Variants in WWOX observed in about 807,000 individuals in gnomAD.
WWOX encodes the protein WW domain-containing oxidoreductase.
Under a neutral mutation model 46.2 loss-of-function variants are expected in WWOX, and 69 were observed. That is an observed-to-expected ratio of 1.49 (90% CI 1.23 to 1.82). WWOX has a LOEUF of 1.82. Among genes scored for constraint, WWOX ranks in the 40% most tolerant of loss-of-function variants. WWOX has a pLI of 0.00. For missense variants in WWOX, 919 were observed against 542.6 expected, an observed-to-expected ratio of 1.69 and a Z score of -6.89; for synonymous variants, 359 against 202.6, an observed-to-expected ratio of 1.77 and a Z score of -6.56.
At chr16:78,601,723 C>G (rs564872654) in intron 8 of WWOX, among the ~76,000 whole-genome samples, 1 of 152,154 alleles carries the variant, frequency 6.6e-6, no homozygotes, top group South Asian at 2.1e-4. Context: ...AGTCTTTTCT[C>G]TGGAAGGAAC....
intron 8 of WWOX, among the ~76,000 whole-genome samples, chr16:78,630,732 T>C (rs367907109): frequency 6.6e-6 from 1 of 152,178 alleles, no homozygotes; most frequent in Non-Finnish European, 1.5e-5. Flanking sequence ...CTGAGTCTTA[T>C]GAGTCTTCCT....
At chr16:78,678,593 C>T (rs2047657962) in intron 8 of WWOX, among the ~76,000 whole-genome samples, 2 of 152,040 alleles carry the variant, frequency 1.3e-5, no homozygotes, top group Non-Finnish European at 2.9e-5. Flanking sequence ...TAAAGAACTA[C>T]AATAGGCATA....
intron 5 of WWOX, among the ~76,000 whole-genome samples, chr16:78,368,042 C>T (rs1464806613): frequency 6.6e-6 from 1 of 152,182 alleles, no homozygotes; most frequent in African/African-American, 2.4e-5. Flanking sequence ...CAGGTGTGAG[C>T]CTCTGTGCCC....
intron 8 of WWOX, among the ~76,000 whole-genome samples, chr16:79,087,396 A>G (rs2048873332): frequency 6.6e-6 from 1 of 152,240 alleles, no homozygotes; most frequent in African/African-American, 2.4e-5. Flanking sequence ...TTATCTCCGT[A>G]GACACCACTG....
At chr16:78,515,422 G>T (rs774420893) in intron 8 of WWOX, among the ~76,000 whole-genome samples, 20 of 152,128 alleles carry the variant, frequency 1.3e-4, no homozygotes, top group Non-Finnish European at 2.2e-4. Context: ...GCATATCTGT[G>T]TTTGAGAGGC....
At chr16:78,677,488 C>G (rs1165495347) in intron 8 of WWOX, among the ~76,000 whole-genome samples, 1 of 152,140 alleles carries the variant, frequency 6.6e-6, no homozygotes, top group Non-Finnish European at 1.5e-5. Flanking sequence ...AAACACAGGT[C>G]AAACATCCTG....
chr16:78,961,351 G>C (rs940979786), intron 8 of WWOX, among the ~76,000 whole-genome samples: 1 of 152,190 alleles, frequency 6.6e-6, no homozygotes, highest in South Asian at 2.1e-4. Flanking sequence ...TTGGTGTAAG[G>C]AAACTTGGTC....
intron 8 of WWOX, among the ~76,000 whole-genome samples, chr16:78,926,450 G>C (rs528125522): frequency 2.9e-4 from 44 of 152,146 alleles, no homozygotes; most frequent in Admixed American, 2.5e-3. Context: ...ATTTCTCTTG[G>C]TTACTGAAAT....
intron 8 of WWOX, among the ~76,000 whole-genome samples, chr16:78,616,184 T>A (rs2037895576): frequency 6.6e-6 from 1 of 151,972 alleles, no homozygotes; most frequent in Non-Finnish European, 1.5e-5. Flanking sequence ...GTGTATGCAT[T>A]CCCACGGCCA....
rs768172617 is a variant in WWOX at position 78,432,639 on chromosome 16, G to C, written c.943G>C (p.Gly315Arg). 2.5e-6 allele frequency: 4 copies of C among 1,614,052 alleles called. No homozygotes were observed. In the African/African-American group the frequency reaches 4.0e-5, roughly 16 times the overall value. The change falls in exon 8 of 9, where the codon GGG becomes CGG. Residue 315 changes from glycine to arginine, a missense_variant. Gly to Arg is a moderately radical substitution (Grantham distance 125). Coordinates refer to ENST00000566780, the MANE Select transcript of WWOX (RefSeq NM_016373.4). ...NELHRRLSPRGVTSNAVHPGN... is the reference protein window; with the variant it reads ...NELHRRLSPRRVTSNAVHPGN... Reference sequence around the variant, plus strand: ...GCTGCACCGTCGCCTCTCCCCACGCGGGGTCACGTCGAACGCAGTGCATCC... The same window carrying C: ...GCTGCACCGTCGCCTCTCCCCACGCCGGGTCACGTCGAACGCAGTGCATCC...
intron 8 of WWOX, among the ~76,000 whole-genome samples, chr16:78,489,294 A>ACC (rs2084718444): frequency 6.6e-6 from 1 of 151,850 alleles, no homozygotes; most frequent in Non-Finnish European, 1.5e-5. Context: ...TTCTCTCCAG[A>ACC]CCCCCAGGTC....
chr16:78,346,487 A>T (rs2081096661), intron 5 of WWOX, among the ~76,000 whole-genome samples: 1 of 120,360 alleles, frequency 8.3e-6, no homozygotes, highest in South Asian at 2.5e-4. Context: ...ATACTTCCCT[A>T]AAGTGGTCAT....
At position 78,335,863 on chromosome 16, in the gene WWOX, G is replaced by A. The variant is rs11647277; in HGVS notation, c.517-50997G>A. Among the ~76,000 whole-genome samples, 5 of 152,128 alleles carry A rather than the reference G, an allele frequency of 3.3e-5. No individual in the cohort carries two copies. The South Asian group carries it at 6.2e-4, about 19-fold the overall frequency. ...TCCCACCACTTTGTGAGGCCGAGGC[G>A]GGTGGATCGCTTGAGGCCAGGAGTT... On this transcript the variant is annotated intron_variant, in intron 5 of 8. Coordinates refer to ENST00000566780, the MANE Select transcript of WWOX (RefSeq NM_016373.4).
At chr16:78,777,844 A>G (rs894305781) in intron 8 of WWOX, among the ~76,000 whole-genome samples, 34 of 152,092 alleles carry the variant, frequency 2.2e-4, no homozygotes, top group Admixed American at 2.0e-3. Context: ...CAAGAGATCA[A>G]GAGCATCCCG....
intron 5 of WWOX, among the ~76,000 whole-genome samples, chr16:78,327,263 A>G (rs1246325637): frequency 2.0e-5 from 3 of 152,222 alleles, no homozygotes; most frequent in African/African-American, 7.2e-5. Flanking sequence ...TCACTCTGTC[A>G]TCATATGACA....
intron 5 of WWOX, among the ~76,000 whole-genome samples, chr16:78,319,416 C>T (rs928867818): frequency 5.3e-5 from 8 of 152,106 alleles, no homozygotes; most frequent in African/African-American, 7.2e-5. Flanking sequence ...TGTACCATCA[C>T]GCCCGGCTAA....
intron 8 of WWOX, among the ~76,000 whole-genome samples, chr16:78,986,837 CT>C (rs1329076352): frequency 6.6e-6 from 1 of 152,100 alleles, no homozygotes; most frequent in Non-Finnish European, 1.5e-5. Context: ...TTTTGGGCAT[CT>C]TTTTGATAAT....
intron 8 of WWOX, among the ~76,000 whole-genome samples, chr16:79,209,421 C>T (rs1378558825): frequency 6.6e-6 from 1 of 152,174 alleles, no homozygotes; most frequent in Non-Finnish European, 1.5e-5. Context: ...CCCAAACGGA[C>T]TGCTTTGGTC....
intron 8 of WWOX, among the ~76,000 whole-genome samples, chr16:78,527,727 A>ATTTAGTTCAGT (rs2043510751): frequency 9.2e-5 from 14 of 151,644 alleles, no homozygotes; most frequent in Non-Finnish European, 2.1e-4. Context: ...CCTCATGAAC[A>ATTTAGTTCAGT]GGTTCTTGAT....
Sources: allele counts gnomAD v4.1 joint callset (sites outside exome capture counted in the v4.1 genomes callset), GRCh38; gene constraint gnomAD v4.1.1; transcripts MANE v1.5; gene names NCBI Gene and HGNC (gene_info 2026-07-23, HGNC 2026-07-21).